Variants in CNTNAP5 observed in about 807,000 individuals in gnomAD.
CNTNAP5 encodes the protein contactin-associated protein-like 5.
In CNTNAP5, 72 loss-of-function variants were observed where a neutral mutation model predicts 150.2. That is an observed-to-expected ratio of 0.48 (90% CI 0.40 to 0.58). CNTNAP5 has a LOEUF of 0.58. Ranked by LOEUF, CNTNAP5 falls within the 20% of genes least tolerant of loss-of-function variation. The pLI is 0.00. For missense variants in CNTNAP5, 1,636 were observed against 1,626.2 expected, an observed-to-expected ratio of 1.01 and a Z score of -0.10; for synonymous variants, 672 against 619.8, an observed-to-expected ratio of 1.08 and a Z score of -1.25.
chr2:124,895,578 T>G (rs1485877980), intron 21 of CNTNAP5, among the ~76,000 whole-genome samples: 1 of 151,506 alleles, frequency 6.6e-6, no homozygotes, highest in Non-Finnish European at 1.5e-5. Context: ...TGAACCATGA[T>G]CTTACCATTT....
intron 14 of CNTNAP5, among the ~76,000 whole-genome samples, chr2:124,754,545 A>G (rs758082170): frequency 6.6e-5 from 10 of 152,026 alleles, no homozygotes; most frequent in Non-Finnish European, 1.5e-4. Context: ...GAATGAAGAG[A>G]TGGGACATTT....
chr2:124,431,631 A>ATATAATTTCTTTATATAAACATTATG (rs1311437473), intron 4 of CNTNAP5, among the ~76,000 whole-genome samples: 2 of 146,292 alleles, frequency 1.4e-5, no homozygotes, highest in African/African-American at 4.9e-5. Flanking sequence ...TAAACATTAT[A>ATATAATTTCTTTATATAAACATTATG]TATAATTTCT....
At chr2:124,115,652 T>TTTC (rs1247341507) in intron 1 of CNTNAP5, among the ~76,000 whole-genome samples, 1 of 149,296 alleles carries the variant, frequency 6.7e-6, no homozygotes, top group East Asian at 2.0e-4. Context: ...AATAGTCTTT[T>TTTC]TTTTTTTTTT....
chr2:124,621,109 C>T (rs547466211), intron 12 of CNTNAP5, among the ~76,000 whole-genome samples: 1 of 152,272 alleles, frequency 6.6e-6, no homozygotes, highest in African/African-American at 2.4e-5. Flanking sequence ...TAAACTGATT[C>T]TACTCAGTTT....
At chr2:124,162,296 CAG>C (rs1405261955) in intron 1 of CNTNAP5, among the ~76,000 whole-genome samples, 3 of 152,024 alleles carry the variant, frequency 2.0e-5, no homozygotes, top group Admixed American at 6.6e-5. Context: ...TAATTTATGA[CAG>C]AGATTGTATT....
intron 13 of CNTNAP5, among the ~76,000 whole-genome samples, chr2:124,705,560 T>G (rs1355671076): frequency 6.6e-6 from 1 of 151,778 alleles, no homozygotes; most frequent in Non-Finnish European, 1.5e-5. Context: ...AATAAACAAA[T>G]CCAATGCTTA....
In CNTNAP5 at chr2:124,844,716, A is replaced by AT. The variant is rs199524097; in HGVS notation, c.3218-20581dup. On this transcript the variant is annotated intron_variant, in intron 19 of 23. Transcript: ENST00000682447. ...AGTTTTCCTTGTAGTGGTTTTTAAA[A>AT]TTTTTTTTTCCACCAATGTGAAATG... 1.1e-3 allele frequency among the ~76,000 whole-genome samples: 171 copies of AT among 150,476 alleles called. 3 individuals carry two copies. The East Asian group carries it at 0.029, about 26-fold the overall frequency.
chr2:124,574,691 A>G (rs1696238148), intron 11 of CNTNAP5, among the ~76,000 whole-genome samples: 1 of 152,238 alleles, frequency 6.6e-6, no homozygotes, highest in Admixed American at 6.5e-5. Flanking sequence ...AAACGAAGGC[A>G]TCATGTGATT....
chr2:124,491,452 T>TA (rs1694023984), intron 7 of CNTNAP5, among the ~76,000 whole-genome samples: 1 of 17,564 alleles, frequency 5.7e-5, no homozygotes, highest in Non-Finnish European at 1.7e-4. Context: ...CACACACATA[T>TA]GGAGAGAGAG....
chr2:124,553,031 ATTATAT>A (rs1695663324), intron 10 of CNTNAP5, among the ~76,000 whole-genome samples: 1 of 6,104 alleles, frequency 1.6e-4, no homozygotes, highest in African/African-American at 1.8e-4. Flanking sequence ...TTTCTGGGAC[ATTATAT>A]TCTATTTCTG....
chr2:124,600,126 T>G (rs907812700), intron 11 of CNTNAP5, among the ~76,000 whole-genome samples: 2 of 152,234 alleles, frequency 1.3e-5, no homozygotes, highest in African/African-American at 4.8e-5. Context: ...CTGAAACAGT[T>G]GGTGAATTGC....
At chr2:124,660,139 T>C (rs1199270328) in intron 13 of CNTNAP5, among the ~76,000 whole-genome samples, 2 of 152,078 alleles carry the variant, frequency 1.3e-5, no homozygotes, top group Non-Finnish European at 2.9e-5. Flanking sequence ...CTTCCCAGCA[T>C]GCTCCTATAG....
intron 3 of CNTNAP5, among the ~76,000 whole-genome samples, chr2:124,319,269 C>A (rs2104666848): frequency 6.6e-6 from 1 of 152,220 alleles, no homozygotes; most frequent in South Asian, 2.1e-4. Flanking sequence ...CAGTTCTTCA[C>A]TTTTGGGATT....
intron 10 of CNTNAP5, among the ~76,000 whole-genome samples, chr2:124,552,097 A>G (rs914105586): frequency 6.6e-6 from 1 of 152,168 alleles, no homozygotes; most frequent in Non-Finnish European, 1.5e-5. Flanking sequence ...AATGTACATG[A>G]ATCAATAGGG....
rs925311688 is a variant in CNTNAP5, at chr2:124,353,655, T to C, written c.382-63788T>C. ...CAAATTCTTATACGAATTTTCTCAC[T>C]TCTAGAGCACTATAGAACAGAAGCA... On this transcript the variant is annotated intron_variant, in intron 3 of 23. Coordinates refer to ENST00000682447, the MANE Select transcript of CNTNAP5 (RefSeq NM_001367498.1). 2.0e-5 allele frequency among the ~76,000 whole-genome samples: 3 copies of C among 152,304 alleles called. No homozygotes were observed. In the East Asian group the frequency reaches 5.8e-4, roughly 29 times the overall value.
chr2:124,649,485 G>A (rs892849561), intron 13 of CNTNAP5, among the ~76,000 whole-genome samples: 5 of 152,144 alleles, frequency 3.3e-5, no homozygotes, highest in African/African-American at 9.7e-5. Context: ...TAATGGCGGG[G>A]CATGTTCATT....
chr2:124,135,138 T>G (rs991977735), intron 1 of CNTNAP5: 3 of 152,362 alleles, frequency 2.0e-5, no homozygotes, highest in African/African-American at 7.2e-5. Flanking sequence ...TAAGAAAGCC[T>G]GAAAGACTCA....
At chr2:124,396,156 C>T (rs2104753539) in intron 3 of CNTNAP5, among the ~76,000 whole-genome samples, 1 of 152,312 alleles carries the variant, frequency 6.6e-6, no homozygotes, top group East Asian at 1.9e-4. Flanking sequence ...TAAGGAACTC[C>T]ATATGCCTGT....
At chr2:124,309,997 A>G (rs547912873) in intron 3 of CNTNAP5, among the ~76,000 whole-genome samples, 40 of 151,698 alleles carry the variant, frequency 2.6e-4, no homozygotes, top group Non-Finnish European at 4.7e-4. Context: ...GAAGGTGGCT[A>G]GCTTACACAG....
Sources: gnomAD v4.1 joint callset for allele counts (sites outside exome capture counted in the v4.1 genomes callset) on GRCh38, gnomAD v4.1.1 for gene constraint, MANE v1.5 for transcripts, NCBI Gene and HGNC (gene_info 2026-07-23, HGNC 2026-07-21) for gene names.